Variants in TTC5 observed in about 807,000 individuals in gnomAD.
TTC5 encodes the protein tetratricopeptide repeat domain 5.
TTC5 carries 46 observed loss-of-function variants against 57.4 expected under a neutral mutation model. The observed-to-expected ratio is 0.80, with a 90% CI of 0.63 to 1.03. TTC5 has a LOEUF of 1.03. Ranked by LOEUF, TTC5 falls within the 50% of genes least tolerant of loss-of-function variation. The pLI, the probability that TTC5 is intolerant of heterozygous loss-of-function variation, is 0.00. For synonymous variants in TTC5, 190 were observed against 203.5 expected (o/e 0.93, Z 0.57); for missense variants, 504 against 528.1 (o/e 0.95, Z 0.45).
At chr14:20,292,662 A>G (rs1464218493) in intron 8 of TTC5, 4 of 152,296 alleles carry the variant, frequency 2.6e-5, no homozygotes, top group Non-Finnish European at 5.9e-5. Context: ...GTCTAGCAGG[A>G]GTCAGACAAT....
At chr14:20,300,143 G>GTGTGTGTATATATATATA (rs370417927) in intron 3 of TTC5, among the ~76,000 whole-genome samples, 1 of 27,148 alleles carries the variant, frequency 3.7e-5, no homozygotes, top group African/African-American at 1.1e-4. Flanking sequence ...TCTGGTCCAT[G>GTGTGTGTATATATATATA]TATATATATA....
At chr14:20,292,835 G>C (rs1230308183) in intron 8 of TTC5, 1 of 152,120 alleles carries the variant, frequency 6.6e-6, no homozygotes, top group African/African-American at 2.4e-5. Context: ...CGCTCAAAGT[G>C]AATCTTAAAG....
rs1882052106 is a variant in TTC5, at chr14:20,295,861, A to G, written c.697-7T>C. 1.9e-6 allele frequency: 3 copies of G among 1,571,060 alleles called. No individual in the cohort carries two copies. The highest frequency in any genetic ancestry group is 2.6e-6 in the Non-Finnish European group (3 of 1,164,390). On this transcript the variant is annotated splice_region_variant and splice_polypyrimidine_tract_variant and intron_variant, in intron 6 of 9. Transcript: ENST00000258821. Reference sequence around the variant, plus strand: ...TCTCTTCATATTTATGCAACTGTACAAGAAGTGTATCCCAATTATAAGTAT... The same window carrying G: ...TCTCTTCATATTTATGCAACTGTACGAGAAGTGTATCCCAATTATAAGTAT...
At chr14:20,294,616 G>T (rs10147548) in intron 8 of TTC5, 62,649 of 151,920 alleles carry the variant, frequency 0.41, 13,080 homozygotes, top group African/African-American at 0.45. Flanking sequence ...GGTGATCCTA[G>T]GAAAATAACA....
In TTC5 at chr14:20,298,816, A is replaced by C; in HGVS notation, c.620T>G (p.Leu207Arg). The stretch of plus-strand genomic sequence containing the variant: ...ACTTACTGCTTGGGCATAGGCACTG[A>C]GGGCTTGCTGGGAGATCTTAGGGTT... ...GQNPKISQQA[L>R]SAYAQAEKVD... is the part of the protein sequence containing the mutation. The change falls in exon 5 of 10, where the codon CTC (leucine) becomes CGC (arginine). Residue 207 changes from leucine (L) to arginine (R), a missense_variant. Coordinates refer to ENST00000258821, the MANE Select transcript of TTC5 (RefSeq NM_138376.3). 1.9e-6 allele frequency: 3 copies of C among 1,613,856 alleles called. No homozygotes were observed. The highest frequency in any genetic ancestry group is 1.7e-5 in the Admixed American group (1 of 60,024).
chr14:20,300,479 C>CTCCCTTCT (rs5807032), intron 3 of TTC5, 128 bp downstream of exon 3: 1 of 787,116 alleles, frequency 1.3e-6, no homozygotes, highest in African/African-American at 1.7e-5. Flanking sequence ...CTGACCTTTC[C>CTCCCTTCT]TCCCTCCTGA....
chr14:20,299,477 C>A (rs1464863924), intron 3 of TTC5, 29 bp from the exon 4 acceptor site: 1 of 1,608,624 alleles, frequency 6.2e-7, no homozygotes, highest in South Asian at 1.1e-5. Flanking sequence ...CATACTCAAT[C>A]TTCCTGATTC....
intron 3 of TTC5, among the ~76,000 whole-genome samples, chr14:20,299,688 G>T (rs1311684700): frequency 6.6e-6 from 1 of 152,036 alleles, no homozygotes; most frequent in Non-Finnish European, 1.5e-5. Flanking sequence ...AAGTAGCTGG[G>T]ACTACAGGTA....
At chr14:20,291,908 A>G (rs1391949475) in intron 9 of TTC5, 75 bp downstream of exon 9, 12 of 1,303,684 alleles carry the variant, frequency 9.2e-6, no homozygotes, top group Non-Finnish European at 1.2e-5. Context: ...TTATTTCTAT[A>G]TCTTTTATAA....
chr14:20,301,301 T>C (rs566205814), intron 2 of TTC5, among the ~76,000 whole-genome samples: 15 of 152,200 alleles, frequency 9.9e-5, no homozygotes, highest in Admixed American at 3.9e-4. Context: ...GAAGTACATG[T>C]GGCCATGTTC....
In TTC5 at chr14:20,295,503, C is replaced by A; in HGVS notation, c.867G>T (p.Leu289=). ...GGCGCAAGCTTCCCAGCATGCTCTG[C>A]AGCTTTTTGGTCTTCACCTTTCCCT... is the stretch of plus-strand genomic sequence containing the variant. ...ESKGKVKTKK[L]QSMLGSLRPA... The change falls in exon 8 of 10, where the codon CTG becomes CTT. Residue 289 remains leucine, a synonymous_variant. Coordinates refer to ENST00000258821, the MANE Select transcript of TTC5 (RefSeq NM_138376.3). 1.9e-6 allele frequency: 3 copies of A among 1,612,530 alleles called. No individual in the cohort carries two copies. The highest frequency in any genetic ancestry group is 1.1e-5 in the South Asian group (1 of 91,050).
intron 1 of TTC5, chr14:20,305,670 A>C (rs1882275727): frequency 3.3e-6 from 2 of 597,566 alleles, no homozygotes; most frequent in Admixed American, 2.9e-5. Flanking sequence ...CTTCTTCCAT[A>C]CAGGACTGAA....
At position 20,301,889 on chromosome 14, in the gene TTC5, TG is replaced by T; in HGVS notation, c.127del (p.Gln43AsnfsTer18). 6.2e-7 allele frequency: 1 copy of T among 1,614,128 alleles called. No homozygotes were observed. On this transcript the variant is annotated frameshift_variant, in exon 2 of 10. Coordinates refer to ENST00000258821, the MANE Select transcript of TTC5 (RefSeq NM_138376.3). LOFTEE classifies it high-confidence loss of function. The part of the protein sequence containing the change: ...THSVEDAGRK[Q>X]QDVQKEMEKT... Reference sequence around the variant, plus strand: ...CTCCATCTCCTTCTGCACATCCTGTTGCTTCCTCCCAGCATCCTCAACACTA... The same window carrying T: ...CTCCATCTCCTTCTGCACATCCTGTTCTTCCTCCCAGCATCCTCAACACTA...
In TTC5 at chr14:20,299,320, A is replaced by C; in HGVS notation, c.525T>G (p.Asp175Glu). The change falls in exon 4 of 10, where the codon GAT (aspartate) becomes GAG (glutamate). Residue 175 changes from aspartate to glutamate, a missense_variant. By Grantham distance (45) the Asp-to-Glu change is conservative. Transcript: ENST00000258821. ...CACACCAGGAGCGGCCATCATGGAC[A>C]TCCATCTGAACAGCCAACTTAGCCT... is the stretch of plus-strand genomic sequence containing the variant. Reference protein sequence around the residue: ...VRQAKLAVQMDVHDGRSWYIL... With the variant: ...VRQAKLAVQMEVHDGRSWYIL... The C allele has an allele frequency of 6.2e-7, 1 of 1,613,984 alleles. No homozygotes were observed. The highest frequency in any genetic ancestry group is 8.5e-7 in the Non-Finnish European group (1 of 1,179,892).
In TTC5 at chr14:20,299,444, C is replaced by T. The variant is rs767767948; in HGVS notation, c.401G>A (p.Arg134Lys). ...CAGGTTTTGCAAGGAGACTTTGTTC[C>T]TGCACTGCAAATAGGAAGGGCACAT... ...TCFSGALTHC[R>K]NKVSLQNLSM... The change falls in exon 4 of 10, where the codon AGG (arginine) becomes AAG (lysine). Residue 134 changes from arginine to lysine, a missense_variant. Physicochemically the swap from Arg to Lys is conservative, Grantham distance 26. Transcript: ENST00000258821. The T allele has an allele frequency of 3.7e-6, 6 of 1,613,664 alleles. No homozygotes were observed. Among genetic ancestry groups the T allele is most frequent in the Non-Finnish European group, 5.1e-6 (6 of 1,180,018 alleles).
intron 8 of TTC5, 102 bp from the exon 9 acceptor site, chr14:20,292,229 C>A: frequency 1.3e-6 from 1 of 767,922 alleles, no homozygotes; most frequent in Non-Finnish European, 1.9e-6. Flanking sequence ...AAATACTGGA[C>A]TTAAAGTCAG....
At position 20,299,366 on chromosome 14, in the gene TTC5, T is replaced by C. The variant is rs1346811630; in HGVS notation, c.479A>G (p.His160Arg). ...RTDTEDEHSH[H>R]VMDSVRQAKL... ...AGCCTGTCGGACACTGTCCATGACA[T>C]GGTGAGAATGTTCATCTTCAGTGTC... Residue 160 changes from histidine to arginine, a missense_variant, in exon 4 of 10, where the codon CAT becomes CGT. Coordinates refer to ENST00000258821, the MANE Select transcript of TTC5 (RefSeq NM_138376.3). 4.3e-6 allele frequency: 7 copies of C among 1,614,032 alleles called. No individual in the cohort carries two copies. The highest frequency in any genetic ancestry group is 3.3e-5 in the Admixed American group (2 of 60,004).
intron 1 of TTC5, among the ~76,000 whole-genome samples, chr14:20,304,269 C>T (rs147919090): frequency 6.6e-6 from 1 of 152,308 alleles, no homozygotes; most frequent in Non-Finnish European, 1.5e-5. Context: ...ATGTGCTATA[C>T]TTAATTTAAA....
rs752188034 is a variant in TTC5, at chr14:20,289,483, C to T, written c.*144G>A. ...GAGGACAGAGGAGAGAGAAGAGATA[C>T]GAAGTGTAATACAGGCAGGGAAAGA... is the stretch of plus-strand genomic sequence containing the variant. On this transcript the variant is annotated 3_prime_UTR_variant, in exon 10 of 10. Transcript: ENST00000258821. The T allele has an allele frequency of 2.1e-5, 20 of 966,718 alleles. No homozygotes were observed. The highest frequency in any genetic ancestry group is 2.8e-5 in the Non-Finnish European group (19 of 677,282). 59.9% of individuals were successfully genotyped at this position (966,718 alleles called of 1,614,324 possible). A position where few individuals can be genotyped will look rare whatever the true frequency, so the allele number is the denominator to read the frequency against.
Sources: allele counts gnomAD v4.1 joint callset (sites outside exome capture counted in the v4.1 genomes callset), GRCh38; gene constraint gnomAD v4.1.1; transcripts MANE v1.5; gene names NCBI Gene and HGNC (gene_info 2026-07-23, HGNC 2026-07-21).